MYCBP2: variants seen among roughly 807,000 people sequenced by gnomAD.
The protein encoded by MYCBP2 is E3 ubiquitin-protein ligase MYCBP2.
MYCBP2 carries 120 observed loss-of-function variants against 525.3 expected under a neutral mutation model. That is an observed-to-expected ratio of 0.23 (90% confidence interval 0.20 to 0.27). MYCBP2 has a LOEUF of 0.27. Ranked by LOEUF, MYCBP2 falls within the 10% of genes least tolerant of loss-of-function variation. The pLI, the probability that MYCBP2 is intolerant of heterozygous loss-of-function variation, is 1.00. For missense variants in MYCBP2, 4,149 were observed against 5,657.1 expected (o/e 0.73, Z 8.55); for synonymous variants, 1,894 against 1,955.8 (o/e 0.97, Z 0.83).
intron 52 of MYCBP2, among the ~76,000 whole-genome samples, chr13:77,135,981 G>A (rs1281448561): frequency 6.6e-6 from 1 of 151,870 alleles, no homozygotes; most frequent in Non-Finnish European, 1.5e-5. Context: ...GACTATAGGC[G>A]TCCACCACCA....
At chr13:77,240,987 A>G (rs1323111812) in intron 17 of MYCBP2, among the ~76,000 whole-genome samples, 1 of 152,224 alleles carries the variant, frequency 6.6e-6, no homozygotes, top group African/African-American at 2.4e-5. Context: ...GATGTTCTAT[A>G]TATTTAGGAC....
At position 77,174,344 on chromosome 13, in the gene MYCBP2, G is replaced by T. The variant is rs2059413440; in HGVS notation, c.5618C>A (p.Thr1873Asn). ...GAGTATCTGTGGGATCTGTCCTCTG[G>T]TTTGGTTTGTGCCGTTACTGCTCAA... ...CSLSSNGTNQ[T>N]RGQIPQILYY... The change falls in exon 37 of 83, where the codon ACC (threonine) becomes AAC (asparagine). Residue 1873 changes from threonine (T) to asparagine (N), a missense_variant. Thr to Asn is a moderately conservative substitution (Grantham distance 65). Coordinates refer to ENST00000544440, the MANE Select transcript of MYCBP2 (RefSeq NM_015057.5). The T allele has an allele frequency of 6.2e-7, 1 of 1,614,038 alleles. No individual in the cohort carries two copies. The highest frequency in any genetic ancestry group is 8.5e-7 in the Non-Finnish European group (1 of 1,179,982).
intron 26 of MYCBP2, 146 bp from the exon 27 acceptor site, chr13:77,194,390 T>C (rs1214110087): frequency 6.6e-6 from 4 of 606,088 alleles, no homozygotes; most frequent in African/African-American, 5.5e-5. Context: ...AACATTACTA[T>C]GTGAAATACA....
chr13:77,224,585 T>C, intron 19 of MYCBP2, 53 bp from the exon 20 acceptor site: 3 of 1,076,734 alleles, frequency 2.8e-6, no homozygotes. Context: ...TTTACATTTC[T>C]ATCACAACTA....
At chr13:77,201,608 C>A (rs546336515) in intron 26 of MYCBP2, among the ~76,000 whole-genome samples, 1 of 150,692 alleles carries the variant, frequency 6.6e-6, no homozygotes, top group African/African-American at 2.4e-5. Flanking sequence ...CAGCACCACA[C>A]CACACCTATT....
intron 7 of MYCBP2, among the ~76,000 whole-genome samples, chr13:77,268,401 A>G (rs1275930071): frequency 1.3e-5 from 2 of 152,224 alleles, no homozygotes; most frequent in Non-Finnish European, 2.9e-5. Context: ...AACACAATAG[A>G]GTGGCAAATA....
chr13:77,291,832 G>A (rs1171745163), intron 2 of MYCBP2, among the ~76,000 whole-genome samples: 3 of 151,294 alleles, frequency 2.0e-5, no homozygotes, highest in South Asian at 2.1e-4. Flanking sequence ...AAAAGTTAAC[G>A]CTGCAGGCAT....
intron 17 of MYCBP2, among the ~76,000 whole-genome samples, chr13:77,238,257 A>AG (rs1446659189): frequency 6.6e-6 from 1 of 151,304 alleles, no homozygotes; most frequent in East Asian, 1.9e-4. Context: ...AAAAAAAAAA[A>AG]AAAAAAAAAA....
chr13:77,203,977 T>C (rs1471192116), intron 26 of MYCBP2, among the ~76,000 whole-genome samples: 83 of 152,104 alleles, frequency 5.5e-4, no homozygotes, highest in Non-Finnish European at 9.9e-4. Context: ...ATTCAGGACA[T>C]AGGCATGGGC....
At chr13:77,076,904 G>T in intron 67 of MYCBP2, 55 bp from the exon 68 acceptor site, 1 of 1,353,358 alleles carries the variant, frequency 7.4e-7, no homozygotes, top group Non-Finnish European at 1.0e-6. Flanking sequence ...ACACTATATT[G>T]GCCAGAGGAC....
intron 33 of MYCBP2, among the ~76,000 whole-genome samples, chr13:77,180,716 A>C (rs2060137321): frequency 1.3e-5 from 2 of 152,110 alleles, no homozygotes; most frequent in Admixed American, 1.3e-4. Context: ...GGAGTTTGAG[A>C]CCAGCTTGGG....
chr13:77,278,944 G>A (rs375918443), intron 3 of MYCBP2, 33 bp from the exon 4 acceptor site: 2 of 1,468,180 alleles, frequency 1.4e-6, no homozygotes, highest in Non-Finnish European at 1.8e-6. Flanking sequence ...TATACTTTAT[G>A]ACATGTAAGC....
At chr13:77,317,956 CAT>C (rs2081159876) in intron 1 of MYCBP2, among the ~76,000 whole-genome samples, 1 of 143,944 alleles carries the variant, frequency 6.9e-6, no homozygotes, top group Admixed American at 6.8e-5. Context: ...CATAACATAA[CAT>C]AACATAACAT....
In MYCBP2 at chr13:77,205,329, C is replaced by A. The variant is rs1390689444; in HGVS notation, c.3770G>T (p.Ser1257Ile). The A allele has an allele frequency of 2.5e-6, 4 of 1,613,844 alleles. No individual in the cohort carries two copies. The highest frequency in any genetic ancestry group is 3.4e-6 in the Non-Finnish European group (4 of 1,179,820). ...ACCAAGTAAAATATCAGTGTCGGCA[C>A]TGAAACGTATAGCTTCTACTGAATG... ...SAHSVEAIRFSADTDILLGGL... is the reference protein window; with the variant it reads ...SAHSVEAIRFIADTDILLGGL... Residue 1257 changes from serine (S) to isoleucine (I), a missense_variant, in exon 26 of 83, where the codon AGT becomes ATT. By Grantham distance (142) the Ser-to-Ile change is moderately radical (BLOSUM62 -2). Coordinates refer to ENST00000544440, the MANE Select transcript of MYCBP2 (RefSeq NM_015057.5).
intron 15 of MYCBP2, among the ~76,000 whole-genome samples, chr13:77,249,751 T>C (rs2070793966): frequency 6.6e-6 from 1 of 152,028 alleles, no homozygotes; most frequent in Non-Finnish European, 1.5e-5. Flanking sequence ...AAATTTCAAT[T>C]CCAACATTGT....
rs183179908 is a variant in MYCBP2 at position 77,099,252 on chromosome 13, C to T, written c.8141-239G>A. 2.0e-3 allele frequency: 1,081 copies of T among 530,876 alleles called. 9 individuals are homozygous for T. Among genetic ancestry groups the T allele is most frequent in the Non-Finnish European group, 6.9e-4 (213 of 306,924 alleles). The allele number at this position is 530,876 out of a possible 1,614,324, so 32.9% of individuals were successfully genotyped here. On this transcript the variant is annotated intron_variant, in intron 55 of 82. Coordinates refer to ENST00000544440, the MANE Select transcript of MYCBP2 (RefSeq NM_015057.5). ...CATGGACGCAAAACAACAGGTTGAACAAATCCAGTGTGAACTATCAGTGAT... is the reference window on the plus strand; with the variant it reads ...CATGGACGCAAAACAACAGGTTGAATAAATCCAGTGTGAACTATCAGTGAT...
chr13:77,319,566 C>A (rs1017859037), intron 1 of MYCBP2, among the ~76,000 whole-genome samples: 1 of 152,182 alleles, frequency 6.6e-6, no homozygotes, highest in Admixed American at 6.5e-5. Flanking sequence ...CAATTATCTT[C>A]CACCTTGCAT....
At chr13:77,259,655 T>C (rs939008526) in intron 13 of MYCBP2, among the ~76,000 whole-genome samples, 1 of 152,228 alleles carries the variant, frequency 6.6e-6, no homozygotes, top group African/African-American at 2.4e-5. Context: ...TTGCTATAAA[T>C]GTTCTACAGG....
At chr13:77,257,853 T>A in intron 13 of MYCBP2, 24 bp from the exon 14 acceptor site, 1 of 1,585,660 alleles carries the variant, frequency 6.3e-7, no homozygotes, top group East Asian at 2.2e-5. Context: ...ACAAATTTAG[T>A]AAAAACAACA....
Sources: allele counts gnomAD v4.1 joint callset (sites outside exome capture counted in the v4.1 genomes callset), GRCh38; gene constraint gnomAD v4.1.1; transcripts MANE v1.5; gene names NCBI Gene and HGNC (gene_info 2026-07-23, HGNC 2026-07-21).